Variants in WWOX observed in about 807,000 individuals in gnomAD.
WWOX encodes the protein WW domain-containing oxidoreductase.
A neutral mutation model predicts 46.2 loss-of-function variants in WWOX; 69 were observed. The ratio of observed to expected loss-of-function variants is 1.49; its 90% confidence interval spans 1.23 to 1.82. The LOEUF (loss-of-function observed/expected upper bound fraction) is 1.82, where lower values mean the gene tolerates loss of function less well. Ranked by LOEUF, WWOX falls within the 40% of genes most tolerant of loss-of-function variation. The pLI is 0.00. For synonymous variants in WWOX, 359 were observed against 202.6 expected, an observed-to-expected ratio of 1.77 and a Z score of -6.56; for missense variants, 919 against 542.6, an observed-to-expected ratio of 1.69 and a Z score of -6.89.
chr16:78,545,696 G>A (rs919118570), intron 8 of WWOX, among the ~76,000 whole-genome samples: 5 of 152,150 alleles, frequency 3.3e-5, no homozygotes, highest in Non-Finnish European at 5.9e-5. Flanking sequence ...CCACCCACTG[G>A]GGATATTAAA....
intron 6 of WWOX, among the ~76,000 whole-genome samples, chr16:78,390,503 A>G (rs146730730): frequency 1.2e-3 from 177 of 152,332 alleles, no homozygotes; most frequent in African/African-American, 4.2e-3. Context: ...CCTCTGTAGC[A>G]CAACCCTCTT....
intron 8 of WWOX, among the ~76,000 whole-genome samples, chr16:79,042,330 A>G (rs1555517115): frequency 6.6e-6 from 1 of 152,144 alleles, no homozygotes; most frequent in Non-Finnish European, 1.5e-5. Flanking sequence ...TTGGCTTGGA[A>G]CATGGAAGTT....
At chr16:78,325,163 C>T (rs1487634964) in intron 5 of WWOX, among the ~76,000 whole-genome samples, 1 of 152,224 alleles carries the variant, frequency 6.6e-6, no homozygotes, top group Non-Finnish European at 1.5e-5. Flanking sequence ...CTCAGAGGAA[C>T]TGGTTCCTTT....
intron 8 of WWOX, among the ~76,000 whole-genome samples, chr16:78,907,820 C>T (rs1009567873): frequency 6.6e-6 from 1 of 152,036 alleles, no homozygotes; most frequent in Non-Finnish European, 1.5e-5. Context: ...AACAGGACTA[C>T]CAGGAATCCT....
chr16:78,855,371 T>C (rs1437436315), intron 8 of WWOX, among the ~76,000 whole-genome samples: 1 of 152,090 alleles, frequency 6.6e-6, no homozygotes, highest in East Asian at 1.9e-4. Flanking sequence ...TGACTAAAAT[T>C]GTATGTTGCG....
At chr16:79,070,951 G>A (rs2048538859) in intron 8 of WWOX, among the ~76,000 whole-genome samples, 1 of 152,132 alleles carries the variant, frequency 6.6e-6, no homozygotes, top group African/African-American at 2.4e-5. Context: ...AGGGCAGGTG[G>A]TTTCTTACTA....
chr16:78,501,279 C>A (rs1301589552), intron 8 of WWOX, among the ~76,000 whole-genome samples: 10 of 143,862 alleles, frequency 7.0e-5, no homozygotes, highest in Admixed American at 7.5e-5. Flanking sequence ...AAAAGCAGAC[C>A]CCTTGGTTCA....
intron 8 of WWOX, among the ~76,000 whole-genome samples, chr16:78,805,532 C>T (rs1361761476): frequency 6.6e-6 from 1 of 152,006 alleles, no homozygotes; most frequent in Admixed American, 6.5e-5. Context: ...ATCCGCCCGC[C>T]TCAGCCTCCC....
chr16:78,707,893 T>C (rs1315268067), intron 8 of WWOX, among the ~76,000 whole-genome samples: 1 of 151,026 alleles, frequency 6.6e-6, no homozygotes, highest in East Asian at 1.9e-4. Flanking sequence ...AAATAAAGTA[T>C]CTGTCCCCAA....
intron 8 of WWOX, among the ~76,000 whole-genome samples, chr16:78,739,629 G>C (rs758857873): frequency 6.6e-6 from 1 of 152,050 alleles, no homozygotes; most frequent in Non-Finnish European, 1.5e-5. Context: ...TGGCTAACAC[G>C]GATAAACCTC....
chr16:78,437,692 G>C (rs556118812), intron 8 of WWOX, among the ~76,000 whole-genome samples: 21 of 152,300 alleles, frequency 1.4e-4, no homozygotes, highest in African/African-American at 5.1e-4. Context: ...AACTTGGAAA[G>C]TGAGTTATTT....
Position 78,305,496 on chromosome 16 carries a change from C to G in WWOX, c.517-81364C>G, listed in dbSNP as rs375054078. ...AAATGATGGCAGGGATATTTGGAATCTTTCCCCCTGAGTTCCCTCTGGAAG... is the reference window on the plus strand; with the variant it reads ...AAATGATGGCAGGGATATTTGGAATGTTTCCCCCTGAGTTCCCTCTGGAAG... On this transcript the variant is annotated intron_variant, in intron 5 of 8. Coordinates refer to ENST00000566780, the MANE Select transcript of WWOX (RefSeq NM_016373.4). Among the ~76,000 whole-genome samples the G allele has an allele frequency of 1.4e-4, 22 of 152,258 alleles. No homozygotes were observed. In the South Asian group the frequency reaches 4.1e-3, roughly 29 times the overall value.
intron 8 of WWOX, among the ~76,000 whole-genome samples, chr16:78,824,947 T>G (rs1163625214): frequency 1.3e-5 from 2 of 152,166 alleles, no homozygotes; most frequent in Non-Finnish European, 2.9e-5. Context: ...TATTTGTTGT[T>G]TTCATTCCTG....
chr16:78,465,260 G>T (rs17719626), intron 8 of WWOX, among the ~76,000 whole-genome samples: 4,895 of 152,316 alleles, frequency 0.032, 178 homozygotes, highest in South Asian at 0.19. Context: ...AATAATCCTG[G>T]TTGGAAATCA....
chr16:78,447,447 G>A (rs572044097), intron 8 of WWOX, among the ~76,000 whole-genome samples: 1 of 152,220 alleles, frequency 6.6e-6, no homozygotes, highest in Non-Finnish European at 1.5e-5. Context: ...GAAGTGCTAA[G>A]TAAACTGTCT....
chr16:78,104,520 A>G (rs2032020212), intron 1 of WWOX, among the ~76,000 whole-genome samples: 1 of 152,082 alleles, frequency 6.6e-6, no homozygotes, highest in South Asian at 2.1e-4. Flanking sequence ...AATTAACAGA[A>G]AACACCCCAT....
chr16:79,098,499 C>T (rs183997918), intron 8 of WWOX, among the ~76,000 whole-genome samples: 1 of 152,250 alleles, frequency 6.6e-6, no homozygotes, highest in South Asian at 2.1e-4. Flanking sequence ...ATCTTCTTCA[C>T]CCCTTCCCTG....
intron 8 of WWOX, among the ~76,000 whole-genome samples, chr16:78,593,987 A>G (rs2045415052): frequency 6.6e-6 from 1 of 152,182 alleles, no homozygotes; most frequent in African/African-American, 2.4e-5. Context: ...TTGTGTAATT[A>G]GAAACACTAT....
At chr16:78,578,286 T>TATATATATATATATATATG (rs1203362503) in intron 8 of WWOX, among the ~76,000 whole-genome samples, 1 of 19,096 alleles carries the variant, frequency 5.2e-5, no homozygotes, top group Non-Finnish European at 1.5e-4. Flanking sequence ...ATATATATAT[T>TATATATATATATATATATG]TTTTTTTTTT....
Sources: gnomAD v4.1 joint callset for allele counts (sites outside exome capture counted in the v4.1 genomes callset) on GRCh38, gnomAD v4.1.1 for gene constraint, MANE v1.5 for transcripts, NCBI Gene and HGNC (gene_info 2026-07-23, HGNC 2026-07-21) for gene names.